Variants in PCDH9 observed in about 807,000 individuals in gnomAD.
PCDH9 encodes the protein protocadherin-9.
Under a neutral mutation model 70.6 loss-of-function variants are expected in PCDH9, and 24 were observed. The observed-to-expected ratio is 0.34, with a 90% CI of 0.25 to 0.48. The LOEUF (loss-of-function observed/expected upper bound fraction) is 0.48, where lower values mean the gene tolerates loss of function less well. PCDH9 is among the 20% of genes least tolerant of loss of function. The pLI is 0.99. For missense variants in PCDH9, 1,281 were observed against 1,503.6 expected (o/e 0.85, Z 2.45); for synonymous variants, 562 against 558.5 (o/e 1.01, Z -0.09).
intron 2 of PCDH9, among the ~76,000 whole-genome samples, chr13:67,026,559 G>T (rs1411836753): frequency 6.6e-6 from 1 of 151,992 alleles, no homozygotes; most frequent in Non-Finnish European, 1.5e-5. Flanking sequence ...GGAAGTTCTG[G>T]CCAGGGCAAT....
intron 4 of PCDH9, among the ~76,000 whole-genome samples, chr13:66,484,387 A>C (rs1466908937): frequency 1.3e-5 from 2 of 152,100 alleles, no homozygotes; most frequent in Admixed American, 6.5e-5. Context: ...TAGAGGTTTG[A>C]GCAGCTGGGC....
chr13:66,337,033 T>C (rs1207004083), intron 4 of PCDH9, among the ~76,000 whole-genome samples: 4 of 151,982 alleles, frequency 2.6e-5, no homozygotes, highest in Non-Finnish European at 2.9e-5. Context: ...CCTTAGGGAA[T>C]GTTTCTTTCC....
At chr13:66,761,219 C>A (rs997702454) in intron 3 of PCDH9, among the ~76,000 whole-genome samples, 1 of 152,118 alleles carries the variant, frequency 6.6e-6, no homozygotes, top group African/African-American at 2.4e-5. Context: ...AACCTGCTGA[C>A]ATGTGATGTC....
intron 2 of PCDH9, among the ~76,000 whole-genome samples, chr13:67,130,058 T>C (rs1470422885): frequency 2.6e-5 from 4 of 152,168 alleles, no homozygotes; most frequent in Non-Finnish European, 4.4e-5. Context: ...ATCTTATCCA[T>C]TTCTGCATTT....
chr13:67,196,498 T>C (rs954076156), intron 2 of PCDH9, among the ~76,000 whole-genome samples: 4 of 152,066 alleles, frequency 2.6e-5, no homozygotes, highest in Non-Finnish European at 5.9e-5. Flanking sequence ...TACTAATTCA[T>C]CAAGTTTGAA....
Position 66,472,723 on chromosome 13 carries a change from GT to G in PCDH9, c.3340+158486del, listed in dbSNP as rs370337547. On this transcript the variant is annotated intron_variant, in intron 4 of 4. Transcript: ENST00000377865. ...AAAATCGTTTTTTTCCCAGTTAAGA[GT>G]TTTGTACATGAGTTTTATGGTTTAA... 3.6e-3 allele frequency among the ~76,000 whole-genome samples: 553 copies of G among 152,150 alleles called. 6 individuals carry two copies. The highest frequency in any genetic ancestry group is 0.013 in the African/African-American group (535 of 41,510).
intron 2 of PCDH9, among the ~76,000 whole-genome samples, chr13:67,090,853 G>A (rs778595830): frequency 4.6e-5 from 7 of 151,906 alleles, no homozygotes; most frequent in South Asian, 2.1e-4. Context: ...ATGAAGAAAC[G>A]GTGTCGCAGG....
intron 4 of PCDH9, among the ~76,000 whole-genome samples, chr13:66,524,091 G>T (rs1457476772): frequency 2.0e-5 from 3 of 151,964 alleles, no homozygotes; most frequent in Non-Finnish European, 4.4e-5. Flanking sequence ...GGGCTTTAAT[G>T]AGTTCATGAT....
Position 67,016,906 on chromosome 13 carries a change from TA to T in PCDH9, c.3037-113302del, listed in dbSNP as rs576947735. Among the ~76,000 whole-genome samples, 537 of 152,312 alleles carry T rather than the reference TA, an allele frequency of 3.5e-3. 5 individuals are homozygous for T. The highest frequency in any genetic ancestry group is 0.012 in the African/African-American group (517 of 41,580). ...AGTCTTTTTCAATAATAGCACCTAC[TA>T]CATAGGACCCAAGGGCACCCATTAA... On this transcript the variant is annotated intron_variant, in intron 2 of 4. Transcript: ENST00000377865.
chr13:67,143,532 T>G (rs2087448332), intron 2 of PCDH9, among the ~76,000 whole-genome samples: 1 of 152,172 alleles, frequency 6.6e-6, no homozygotes, highest in Non-Finnish European at 1.5e-5. Flanking sequence ...AATAGTAATA[T>G]TCACCCATTT....
intron 3 of PCDH9, among the ~76,000 whole-genome samples, chr13:66,686,095 C>T (rs2078397415): frequency 6.6e-6 from 1 of 151,936 alleles, no homozygotes; most frequent in Non-Finnish European, 1.5e-5. Flanking sequence ...TTGGGAGGGG[C>T]CAGGAGCAGA....
intron 4 of PCDH9, among the ~76,000 whole-genome samples, chr13:66,518,935 T>C (rs1444969754): frequency 6.6e-6 from 1 of 152,180 alleles, no homozygotes; most frequent in Non-Finnish European, 1.5e-5. Context: ...TAGTACAAGA[T>C]ATCCAAACTA....
chr13:67,124,074 TTTTG>T (rs2086928511), intron 2 of PCDH9, among the ~76,000 whole-genome samples: 1 of 152,076 alleles, frequency 6.6e-6, no homozygotes, highest in African/African-American at 2.4e-5. Context: ...AATCATAAGT[TTTTG>T]TTTGTTTTAA....
intron 4 of PCDH9, among the ~76,000 whole-genome samples, chr13:66,438,016 C>T (rs1293173746): frequency 6.6e-6 from 1 of 151,824 alleles, no homozygotes; most frequent in Non-Finnish European, 1.5e-5. Flanking sequence ...GGTGGATCAC[C>T]TGAGGTCAGG....
At chr13:66,956,910 T>G (rs2083273500) in intron 2 of PCDH9, among the ~76,000 whole-genome samples, 1 of 152,194 alleles carries the variant, frequency 6.6e-6, no homozygotes, top group African/African-American at 2.4e-5. Context: ...GCTGGCATTT[T>G]ATTCCAATAT....
At chr13:66,990,195 T>G (rs888604614) in intron 2 of PCDH9, among the ~76,000 whole-genome samples, 1 of 151,858 alleles carries the variant, frequency 6.6e-6, no homozygotes, top group Non-Finnish European at 1.5e-5. Context: ...GCCTAAATAA[T>G]CATCTTGTAT....
intron 3 of PCDH9, among the ~76,000 whole-genome samples, chr13:66,824,677 T>G (rs1260288959): frequency 1.8e-5 from 1 of 54,416 alleles, no homozygotes; most frequent in Admixed American, 2.3e-4. Flanking sequence ...TATATATATA[T>G]ATATATATAT....
chr13:66,557,776 G>A (rs777583681), intron 4 of PCDH9, among the ~76,000 whole-genome samples: 8 of 152,132 alleles, frequency 5.3e-5, no homozygotes, highest in Non-Finnish European at 8.8e-5. Context: ...TAAATACAAA[G>A]GTAGATGGAG....
intron 2 of PCDH9, among the ~76,000 whole-genome samples, chr13:66,957,626 G>A (rs2083284068): frequency 6.6e-6 from 1 of 152,056 alleles, no homozygotes; most frequent in African/African-American, 2.4e-5. Context: ...ATGAAAATGG[G>A]GCCCTCATGA....
Sources: allele counts gnomAD v4.1 joint callset (sites outside exome capture counted in the v4.1 genomes callset), GRCh38; gene constraint gnomAD v4.1.1; transcripts MANE v1.5; gene names NCBI Gene and HGNC (gene_info 2026-07-23, HGNC 2026-07-21).